Variants in CEP70 observed in about 807,000 individuals in gnomAD.
CEP70 encodes the protein centrosomal protein of 70 kDa.
Under a neutral mutation model 90.9 loss-of-function variants are expected in CEP70, and 70 were observed. That is an observed-to-expected ratio of 0.77 (90% CI 0.64 to 0.94). The LOEUF (loss-of-function observed/expected upper bound fraction) is 0.94. Among genes scored for constraint, CEP70 ranks in the 40% least tolerant of loss-of-function variants. The probability of loss-of-function intolerance (pLI) is 0.00; values close to 1 mark genes in which losing one functional copy is unlikely to be tolerated. For missense variants in CEP70, 648 were observed against 669.0 expected (o/e 0.97, Z 0.35); for synonymous variants, 220 against 228.3 (o/e 0.96, Z 0.33).
At chr3:138,528,243 C>T (rs1420044019) in intron 10 of CEP70, among the ~76,000 whole-genome samples, 2 of 151,704 alleles carry the variant, frequency 1.3e-5, no homozygotes, top group African/African-American at 4.8e-5. Flanking sequence ...AGGGGTTTTG[C>T]CATGTTGCCC....
At position 138,494,732 on chromosome 3, in the gene CEP70, C is replaced by T. The variant is rs971907643; in HGVS notation, c.*283G>A. 3 of 226,384 alleles carry T rather than the reference C, an allele frequency of 1.3e-5. No individual in the cohort carries two copies. The highest frequency in any genetic ancestry group is 2.6e-5 in the Non-Finnish European group (3 of 116,954). The allele number at this position is 226,384 out of a possible 1,614,324, so 14.0% of individuals were successfully genotyped here. On this transcript the variant is annotated 3_prime_UTR_variant, in exon 18 of 18. Transcript: ENST00000264982. The stretch of plus-strand genomic sequence containing the variant: ...TCTGTCTCCCTGGGCTCCTCTTTTA[C>T]TCACAAACTCCACTCTAAAACAACC...
chr3:138,545,172 T>A (rs1293684115), intron 6 of CEP70, among the ~76,000 whole-genome samples: 1 of 152,202 alleles, frequency 6.6e-6, no homozygotes. Context: ...TCATGTAGCA[T>A]GAAAATTGTT....
intron 7 of CEP70, among the ~76,000 whole-genome samples, chr3:138,532,873 G>A (rs896286720): frequency 4.6e-5 from 7 of 152,294 alleles, no homozygotes; most frequent in African/African-American, 1.4e-4. Flanking sequence ...GTCAAAGGAT[G>A]CAACTCAATA....
At chr3:138,559,449 C>G (rs1392899497) in intron 6 of CEP70, among the ~76,000 whole-genome samples, 7 of 152,112 alleles carry the variant, frequency 4.6e-5, no homozygotes, top group Non-Finnish European at 1.0e-4. Context: ...AAAACAAAAA[C>G]AAGCTGAGCC....
At chr3:138,573,642 A>G (rs1220517926) in intron 2 of CEP70, among the ~76,000 whole-genome samples, 3 of 152,256 alleles carry the variant, frequency 2.0e-5, no homozygotes, top group Non-Finnish European at 4.4e-5. Flanking sequence ...GCAGAGATGT[A>G]GAAAAAAATA....
chr3:138,565,009 C>A (rs1044890681), intron 6 of CEP70, among the ~76,000 whole-genome samples: 10 of 152,128 alleles, frequency 6.6e-5, no homozygotes, highest in African/African-American at 2.4e-4. Context: ...TCTCAGGATA[C>A]AAAATCAATG....
chr3:138,521,655 C>A (rs1428585774), intron 11 of CEP70, among the ~76,000 whole-genome samples: 1 of 150,928 alleles, frequency 6.6e-6, no homozygotes, highest in East Asian at 2.0e-4. Flanking sequence ...CGGCCGCGAC[C>A]CCGTCTGGGA....
chr3:138,499,946 T>G, intron 16 of CEP70, 164 bp downstream of exon 16: 2 of 560,996 alleles, frequency 3.6e-6, no homozygotes, highest in Admixed American at 3.1e-5. Flanking sequence ...ATTTTAATTT[T>G]TATTGTTTAG....
At chr3:138,531,172 C>T (rs2037779521) in intron 8 of CEP70, among the ~76,000 whole-genome samples, 1 of 152,056 alleles carries the variant, frequency 6.6e-6, no homozygotes, top group Admixed American at 6.6e-5. Context: ...CATTCCTCAG[C>T]CCCAGATTTT....
At chr3:138,504,740 C>T (rs1023152038) in intron 13 of CEP70, among the ~76,000 whole-genome samples, 5 of 152,218 alleles carry the variant, frequency 3.3e-5, no homozygotes, top group Non-Finnish European at 5.9e-5. Flanking sequence ...AAAATGTGGT[C>T]TTCCATGAAG....
At chr3:138,573,031 T>C in intron 2 of CEP70, 99 bp from the exon 3 acceptor site, 1 of 810,358 alleles carries the variant, frequency 1.2e-6, no homozygotes, top group South Asian at 1.5e-5. Context: ...AAGAAAAGTA[T>C]ATTTAAAAGA....
intron 6 of CEP70, among the ~76,000 whole-genome samples, chr3:138,547,563 T>A (rs2039307643): frequency 6.6e-6 from 1 of 152,208 alleles, no homozygotes; most frequent in Non-Finnish European, 1.5e-5. Flanking sequence ...CTTTCCTTAT[T>A]AAGCCAAGAA....
intron 10 of CEP70, among the ~76,000 whole-genome samples, chr3:138,527,691 T>C (rs2037408760): frequency 1.1e-5 from 1 of 94,866 alleles, no homozygotes; most frequent in Admixed American, 9.1e-5. Flanking sequence ...CAAGACTCCG[T>C]CTCAAAAAAA....
At chr3:138,585,064 G>A (rs916789403) in intron 2 of CEP70, among the ~76,000 whole-genome samples, 1 of 152,064 alleles carries the variant, frequency 6.6e-6, no homozygotes, top group African/African-American at 2.4e-5. Context: ...AGTTAGACAT[G>A]AGAAAGGAAA....
At chr3:138,576,801 C>T (rs1216317630) in intron 2 of CEP70, among the ~76,000 whole-genome samples, 1 of 152,224 alleles carries the variant, frequency 6.6e-6, no homozygotes, top group African/African-American at 2.4e-5. Flanking sequence ...AAGAAACTCA[C>T]TCAAAACCGC....
chr3:138,551,917 G>T (rs2039652492), intron 6 of CEP70, among the ~76,000 whole-genome samples: 1 of 152,098 alleles, frequency 6.6e-6, no homozygotes, highest in African/African-American at 2.4e-5. Context: ...ATCATCTGTT[G>T]CCTTCAAGAC....
At chr3:138,535,359 ACAC>A (rs1469284506) in intron 7 of CEP70, among the ~76,000 whole-genome samples, 2 of 152,042 alleles carry the variant, frequency 1.3e-5, no homozygotes, top group African/African-American at 4.8e-5. Flanking sequence ...TCCCTATGTC[ACAC>A]CCACTTAGTA....
At chr3:138,514,527 C>G (rs1309458585) in intron 11 of CEP70, among the ~76,000 whole-genome samples, 1 of 152,038 alleles carries the variant, frequency 6.6e-6, no homozygotes, top group Admixed American at 6.5e-5. Flanking sequence ...ATTTCCCCAG[C>G]ATCAGTAGTA....
intron 1 of CEP70, chr3:138,593,992 A>T (rs1277773002): frequency 3.3e-5 from 5 of 152,340 alleles, no homozygotes; most frequent in Non-Finnish European, 7.3e-5. Flanking sequence ...CAAAGAACAC[A>T]AAGCCTGGGG....
Sources: gnomAD v4.1 joint callset for allele counts (sites outside exome capture counted in the v4.1 genomes callset) on GRCh38, gnomAD v4.1.1 for gene constraint, MANE v1.5 for transcripts, NCBI Gene and HGNC (gene_info 2026-07-23, HGNC 2026-07-21) for gene names.